Variants in CLEC3B observed in about 807,000 individuals in gnomAD.
CLEC3B encodes tetranectin.
A neutral mutation model predicts 15.4 loss-of-function variants in CLEC3B; 13 were observed. That is an observed-to-expected ratio of 0.84 (90% CI 0.55 to 1.34). CLEC3B has a LOEUF of 1.34. Ranked by LOEUF, CLEC3B falls within the 40% of genes most tolerant of loss-of-function variation. The pLI, the probability that CLEC3B is intolerant of heterozygous loss-of-function variation, is 0.00. For synonymous variants in CLEC3B, 112 were observed against 114.7 expected (o/e 0.98, Z 0.15); for missense variants, 242 against 268.6 (o/e 0.90, Z 0.69).
intron 1 of CLEC3B, 43 bp from the exon 2 acceptor site, chr3:45,030,784 G>C: frequency 7.2e-7 from 1 of 1,388,224 alleles, no homozygotes; most frequent in Non-Finnish European, 1.0e-6. Flanking sequence ...GATCCTTCCT[G>C]CTCAGTCCCT....
At chr3:45,026,533 T>C in intron 1 of CLEC3B, 62 bp downstream of exon 1, 1 of 1,398,892 alleles carries the variant, frequency 7.1e-7, no homozygotes, top group African/African-American at 1.4e-5. Flanking sequence ...CTCCTTAGTG[T>C]GTCCTCATGC....
At chr3:45,033,795 T>G (rs1697599490) in intron 2 of CLEC3B, among the ~76,000 whole-genome samples, 3 of 152,130 alleles carry the variant, frequency 2.0e-5, no homozygotes, top group African/African-American at 7.2e-5. Context: ...ACCTATGTGT[T>G]GGAGGGAGGT....
At chr3:45,032,273 T>G (rs1274629353) in intron 2 of CLEC3B, among the ~76,000 whole-genome samples, 1 of 152,172 alleles carries the variant, frequency 6.6e-6, no homozygotes, top group Non-Finnish European at 1.5e-5. Flanking sequence ...CCCATTCATA[T>G]GCTTTCCTTC....
chr3:45,030,812 T>C lies in CLEC3B; in HGVS notation c.110-15T>C, dbSNP rs1697543591. 1 of 1,564,852 alleles carries C rather than the reference T, an allele frequency of 6.4e-7. No individual in the cohort carries two copies. The highest frequency in any genetic ancestry group is 8.7e-7 in the Non-Finnish European group (1 of 1,151,630). ...CAGTCCCTGCCCCACCCTGACATAT[T>C]TCCTCCTGCTTCAGATGTTGTGAAC... On this transcript the variant is annotated splice_polypyrimidine_tract_variant and intron_variant, in intron 1 of 2. Transcript: ENST00000296130.
intron 1 of CLEC3B, 45 bp downstream of exon 1, chr3:45,026,516 T>A: frequency 6.6e-7 from 1 of 1,516,376 alleles, no homozygotes; most frequent in Non-Finnish European, 9.1e-7. Context: ...AGGGAGCAGG[T>A]CCCCCTCTCC....
chr3:45,028,740 C>T (rs1248996053), intron 1 of CLEC3B, among the ~76,000 whole-genome samples: 1 of 151,920 alleles, frequency 6.6e-6, no homozygotes, highest in Non-Finnish European at 1.5e-5. Flanking sequence ...GGGCTGGTGC[C>T]CAAAAGTACG....
At chr3:45,031,040 C>T in intron 2 of CLEC3B, 115 bp downstream of exon 2, 1 of 708,496 alleles carries the variant, frequency 1.4e-6, no homozygotes, top group Non-Finnish European at 2.3e-6. Flanking sequence ...CTCCATTAGT[C>T]CAGGCCTATG....
At chr3:45,035,243 G>A (rs1697620882) in intron 2 of CLEC3B, among the ~76,000 whole-genome samples, 1 of 152,166 alleles carries the variant, frequency 6.6e-6, no homozygotes, top group South Asian at 2.1e-4. Context: ...GTGTCAGCTG[G>A]GGCTGGGTGC....
chr3:45,029,202 CTT>C (rs542278623), intron 1 of CLEC3B, among the ~76,000 whole-genome samples: 7 of 152,244 alleles, frequency 4.6e-5, no homozygotes, highest in Non-Finnish European at 8.8e-5. Context: ...CTGGAGGAAA[CTT>C]TGCACATATG....
At position 45,026,315 on chromosome 3, in the gene CLEC3B, G is replaced by T; in HGVS notation, c.-48G>T. ...CTGGGCCGTGGCTGTCACTGCGTTC[G>T]GACCCAGACCCGCTGCAGGCAGCAG... On this transcript the variant is annotated 5_prime_UTR_variant, in exon 1 of 3. Transcript: ENST00000296130. 6.5e-7 allele frequency: 1 copy of T among 1,535,968 alleles called. No homozygotes were observed. The highest frequency in any genetic ancestry group is 9.0e-7 in the Non-Finnish European group (1 of 1,115,900).
At chr3:45,027,071 T>A (rs1023340521) in intron 1 of CLEC3B, among the ~76,000 whole-genome samples, 2 of 152,214 alleles carry the variant, frequency 1.3e-5, no homozygotes, top group Non-Finnish European at 2.9e-5. Flanking sequence ...GATTGGGGTG[T>A]CCCTCGGTTG....
chr3:45,029,630 A>G (rs1184875962), intron 1 of CLEC3B, among the ~76,000 whole-genome samples: 1 of 152,206 alleles, frequency 6.6e-6, no homozygotes, highest in East Asian at 1.9e-4. Context: ...GGGTGGACGA[A>G]GGCTCTGATC....
rs554084020 is a variant in CLEC3B, at chr3:45,033,810, G to T, written c.209-1714G>T. On this transcript the variant is annotated intron_variant, in intron 2 of 2. Coordinates refer to ENST00000296130, the MANE Select transcript of CLEC3B (RefSeq NM_003278.3). ...ACCTATGTGTTGGAGGGAGGTTCAG[G>T]TGAGGGTCCTAGGAAGCAACTCTGA... is the stretch of plus-strand genomic sequence containing the variant. Among the ~76,000 whole-genome samples, 5 of 152,306 alleles carry T rather than the reference G, an allele frequency of 3.3e-5. No homozygotes were observed. In the South Asian group the frequency reaches 1.0e-3, roughly 32 times the overall value.
At chr3:45,028,746 G>A (rs1697516467) in intron 1 of CLEC3B, among the ~76,000 whole-genome samples, 6 of 152,176 alleles carry the variant, frequency 3.9e-5, no homozygotes. Context: ...GTGCCCAAAA[G>A]TACGGGAGAA....
chr3:45,033,312 T>C (rs1388755715), intron 2 of CLEC3B, among the ~76,000 whole-genome samples: 3 of 152,190 alleles, frequency 2.0e-5, no homozygotes, highest in Non-Finnish European at 4.4e-5. Context: ...GCATGACATA[T>C]GAAAGCCCCC....
chr3:45,035,764 C>T lies in CLEC3B; in HGVS notation c.449C>T (p.Ala150Val), dbSNP rs754507913. ...GGCACCTGGGTGGACATGACCGGCG[C>T]CCGCATCGCCTACAAGAACTGGGAG... ...AEGTWVDMTG[A>V]RIAYKNWETE... is the part of the protein sequence containing the mutation. Residue 150 changes from alanine to valine, a missense_variant, in exon 3 of 3, where the codon GCC (alanine) becomes GTC (valine). Coordinates refer to ENST00000296130, the MANE Select transcript of CLEC3B (RefSeq NM_003278.3). 6.2e-7 allele frequency: 1 copy of T among 1,613,718 alleles called. No homozygotes were observed. The highest frequency in any genetic ancestry group is 8.5e-7 in the Non-Finnish European group (1 of 1,179,984).
In CLEC3B at chr3:45,030,893, C is replaced by A. The variant is rs1197877061; in HGVS notation, c.176C>A (p.Ala59Asp). ...CTGGACACCCTGGCCCAGGAGGTGG[C>A]CCTGCTGAAGGAGCAGCAGGCCCTG... is the stretch of plus-strand genomic sequence containing the variant. ...SRLDTLAQEV[A>D]LLKEQQALQT... The change falls in exon 2 of 3, where the codon GCC (alanine) becomes GAC (aspartate). Residue 59 changes from alanine (A) to aspartate (D), a missense_variant. Coordinates refer to ENST00000296130, the MANE Select transcript of CLEC3B (RefSeq NM_003278.3). 2 of 1,589,520 alleles carry A rather than the reference C, an allele frequency of 1.3e-6. No homozygotes were observed. The highest frequency in any genetic ancestry group is 1.3e-5 in the African/African-American group (1 of 74,470).
At chr3:45,031,979 G>T (rs140150710) in intron 2 of CLEC3B, among the ~76,000 whole-genome samples, 79 of 151,978 alleles carry the variant, frequency 5.2e-4, no homozygotes, top group African/African-American at 1.9e-3. Flanking sequence ...CCCGTGCAGT[G>T]GTCCTGTTAC....
intron 1 of CLEC3B, chr3:45,030,154 C>A: frequency 1.0e-6 from 1 of 985,700 alleles, no homozygotes. Context: ...GCCTGGCCTC[C>A]TCTGTAAGAG....
Sources: allele counts gnomAD v4.1 joint callset (sites outside exome capture counted in the v4.1 genomes callset), GRCh38; gene constraint gnomAD v4.1.1; transcripts MANE v1.5; gene names NCBI Gene and HGNC (gene_info 2026-07-23, HGNC 2026-07-21).